PFKFB3: variants seen among roughly 807,000 people sequenced by gnomAD.
PFKFB3 encodes 6-phosphofructo-2-kinase/fructose-2,6-bisphosphatase 3.
In PFKFB3, 33 loss-of-function variants were observed where a neutral mutation model predicts 68.0. The ratio of observed to expected loss-of-function variants is 0.49; its 90% confidence interval spans 0.37 to 0.65. The LOEUF (loss-of-function observed/expected upper bound fraction) is 0.65, where lower values mean the gene tolerates loss of function less well. Among genes scored for constraint, PFKFB3 ranks in the 30% least tolerant of loss-of-function variants. PFKFB3 has a pLI of 0.00. For missense variants in PFKFB3, 586 were observed against 712.2 expected (o/e 0.82, Z 2.02); for synonymous variants, 315 against 288.2 (o/e 1.09, Z -0.94).
chr10:6,283,514 G>A, the PFKFB3 span, among the ~76,000 whole-genome samples: 1 of 6,302 alleles, frequency 1.6e-4, no homozygotes, highest in African/African-American at 3.0e-4. Context: ...AGTGTTTGAA[G>A]GCAGGAAGCA....
the PFKFB3 span, among the ~76,000 whole-genome samples, chr10:6,301,391 G>T: frequency 1.3e-5 from 2 of 152,092 alleles, no homozygotes; most frequent in East Asian, 3.9e-4. Context: ...ATAAATAATG[G>T]TCGATGCATA....
chr10:6,178,953 C>T (rs907420311), intron 1 of PFKFB3, among the ~76,000 whole-genome samples: 3 of 152,226 alleles, frequency 2.0e-5, no homozygotes, highest in African/African-American at 7.2e-5. Flanking sequence ...AGCACGGGGT[C>T]CTCCGCAGGT....
chr10:6,204,071 G>T (rs1388152251), intron 1 of PFKFB3, among the ~76,000 whole-genome samples: 2 of 151,752 alleles, frequency 1.3e-5, no homozygotes, highest in Non-Finnish European at 2.9e-5. Context: ...CCGGGCGCAC[G>T]CACCCCCCGG....
At chr10:6,281,358 A>C in the PFKFB3 span, among the ~76,000 whole-genome samples, 1 of 151,640 alleles carries the variant, frequency 6.6e-6, no homozygotes, top group Non-Finnish European at 1.5e-5. Flanking sequence ...TAACACAGAG[A>C]TGGAGACTGC....
At chr10:6,219,819 T>C in intron 7 of PFKFB3, 126 bp downstream of exon 7, 1 of 915,808 alleles carries the variant, frequency 1.1e-6, no homozygotes, top group Non-Finnish European at 1.6e-6. Context: ...GTTTTTTTTG[T>C]AGAGATGAGG....
rs146554609 is a variant in PFKFB3 at position 6,204,055 on chromosome 10, C to T, written c.76+719C>T. ...TGAGTGCACGGTTGGCGCTGCTCCA[C>T]GCGCCCCGGGCGCACGCACCCCCCG... On this transcript the variant is annotated intron_variant, in intron 1 of 14. Coordinates refer to ENST00000379775, the MANE Select transcript of PFKFB3 (RefSeq NM_004566.4). Among the ~76,000 whole-genome samples, 1,184 of 152,310 alleles carry T rather than the reference C, an allele frequency of 7.8e-3. 17 individuals carry two copies. Among genetic ancestry groups the T allele is most frequent in the African/African-American group, 0.027 (1,142 of 41,574 alleles).
At chr10:6,177,408 C>CTTTCTTTCTTCT (rs1454122984) in intron 1 of PFKFB3, among the ~76,000 whole-genome samples, 1 of 52,538 alleles carries the variant, frequency 1.9e-5, no homozygotes, top group Non-Finnish European at 4.5e-5. Context: ...TTCTTTCTTT[C>CTTTCTTTCTTCT]TTCTTTCTCT....
intron 6 of PFKFB3, 34 bp from the exon 7 acceptor site, chr10:6,219,535 G>A (rs77088483): frequency 5.5e-5 from 88 of 1,613,418 alleles, no homozygotes; most frequent in Admixed American, 1.0e-4. Flanking sequence ...GCCTTCCAGC[G>A]TGATTTATCA....
At chr10:6,147,848 G>A (rs910305079) in intron 1 of PFKFB3, among the ~76,000 whole-genome samples, 48 of 152,184 alleles carry the variant, frequency 3.2e-4, no homozygotes, top group Middle Eastern at 3.4e-3. Context: ...GCCTGACGGG[G>A]TGGTCCATAC....
At chr10:6,157,243 T>TTTTTTTG (rs1841831476) in intron 1 of PFKFB3, among the ~76,000 whole-genome samples, 1 of 151,512 alleles carries the variant, frequency 6.6e-6, no homozygotes, top group Non-Finnish European at 1.5e-5. Context: ...CTTTTTTTTT[T>TTTTTTTG]TGAGACGGAG....
At chr10:6,185,451 A>C (rs980189655) in intron 1 of PFKFB3, among the ~76,000 whole-genome samples, 1 of 152,188 alleles carries the variant, frequency 6.6e-6, no homozygotes, top group Non-Finnish European at 1.5e-5. Flanking sequence ...CACACCATAG[A>C]AACAGGCCAC....
intron 1 of PFKFB3, among the ~76,000 whole-genome samples, chr10:6,170,758 G>A (rs1331006022): frequency 6.6e-6 from 1 of 152,204 alleles, no homozygotes; most frequent in Non-Finnish European, 1.5e-5. Flanking sequence ...AGCAGAGCAG[G>A]AAAGCTGCTG....
At chr10:6,145,628 C>T (rs1588369772) in intron 1 of PFKFB3, among the ~76,000 whole-genome samples, 1 of 152,282 alleles carries the variant, frequency 6.6e-6, no homozygotes, top group East Asian at 1.9e-4. Context: ...TTTGCCCCTC[C>T]CGCCCTCTGA....
chr10:6,230,396 G>A (rs1341861393), intron 14 of PFKFB3, among the ~76,000 whole-genome samples: 1 of 152,168 alleles, frequency 6.6e-6, no homozygotes. Context: ...TTGGCACTCT[G>A]GGCAAGTTAA....
chr10:6,309,635 C>T, the PFKFB3 span, among the ~76,000 whole-genome samples: 3 of 151,822 alleles, frequency 2.0e-5, no homozygotes, highest in African/African-American at 7.2e-5. Flanking sequence ...CCCTCACCCC[C>T]GCCGGCCACC....
chr10:6,241,591 G>A (rs1247457498), intron 14 of PFKFB3, among the ~76,000 whole-genome samples: 1 of 152,122 alleles, frequency 6.6e-6, no homozygotes, highest in Non-Finnish European at 1.5e-5. Context: ...CAGTGCTTTG[G>A]GAGGCCAAGG....
the PFKFB3 span, among the ~76,000 whole-genome samples, chr10:6,262,322 G>T: frequency 2.0e-5 from 3 of 150,508 alleles, no homozygotes; most frequent in Admixed American, 6.6e-5. Context: ...GGTGGGGTGG[G>T]GGGTGCCTGT....
At chr10:6,193,749 G>T (rs1224857095) in intron 1 of PFKFB3, among the ~76,000 whole-genome samples, 1 of 152,190 alleles carries the variant, frequency 6.6e-6, no homozygotes, top group Non-Finnish European at 1.5e-5. Flanking sequence ...GGGGCAGTGG[G>T]TGGATCTCAG....
At position 6,166,434 on chromosome 10, in the gene PFKFB3, G is replaced by A. The variant is rs76661394; in HGVS notation, c.16+21421G>A. Among the ~76,000 whole-genome samples, 581 of 151,920 alleles carry A rather than the reference G, an allele frequency of 3.8e-3. 4 individuals carry two copies. Among genetic ancestry groups the A allele is most frequent in the Middle Eastern group, 0.01 (3 of 294 alleles). ...GAGCCTCTTCCTCCTTCCACTCAAT[G>A]CATCTATTTTAGTGGAATGGGTTCC... On this transcript the variant is annotated intron_variant, in intron 1 of 14. Transcript: ENST00000379789.
Sources: gnomAD v4.1 joint callset for allele counts (sites outside exome capture counted in the v4.1 genomes callset) on GRCh38, gnomAD v4.1.1 for gene constraint, MANE v1.5 for transcripts, NCBI Gene and HGNC (gene_info 2026-07-23, HGNC 2026-07-21) for gene names.